TRIM55: variants seen among roughly 807,000 people sequenced by gnomAD.
TRIM55 encodes the protein tripartite motif containing 55.
In TRIM55, 50 loss-of-function variants were observed where a neutral mutation model predicts 60.9. That is an observed-to-expected ratio of 0.82 (90% CI 0.65 to 1.04). The LOEUF (loss-of-function observed/expected upper bound fraction) is 1.04, where lower values mean the gene tolerates loss of function less well. TRIM55 is among the 50% of genes least tolerant of loss of function. The pLI, the probability that TRIM55 is intolerant of heterozygous loss-of-function variation, is 0.00. For missense variants in TRIM55, 681 were observed against 666.9 expected, an observed-to-expected ratio of 1.02 and a Z score of -0.23; for synonymous variants, 237 against 238.1, an observed-to-expected ratio of 1.00 and a Z score of 0.04.
In TRIM55 at chr8:66,150,305, AAC is replaced by A. The variant is rs749777269; in HGVS notation, c.861-35_861-34del. On this transcript the variant is annotated intron_variant, in intron 6 of 9. Coordinates refer to ENST00000315962, the MANE Select transcript of TRIM55 (RefSeq NM_184085.2). ...CTTTACCCAAGGCTATCCAATTTTC[AAC>A]AGTGACAGAAAGTGGCAACTTGTCT... 5.0e-6 allele frequency: 8 copies of A among 1,613,948 alleles called. No individual in the cohort carries two copies. In the South Asian group the frequency reaches 7.7e-5, roughly 16 times the overall value.
At chr8:66,154,950 T>C (rs1320894516) in intron 9 of TRIM55, among the ~76,000 whole-genome samples, 3 of 152,192 alleles carry the variant, frequency 2.0e-5, no homozygotes, top group African/African-American at 7.2e-5. Flanking sequence ...AGAGACTCTT[T>C]CTTTATATGA....
At chr8:66,147,813 A>AC (rs1308616501) in intron 4 of TRIM55, among the ~76,000 whole-genome samples, 2,509 of 144,508 alleles carry the variant, frequency 0.017, 116 homozygotes, top group African/African-American at 0.064. Context: ...AAAAAAAAAA[A>AC]AAAACCACAA....
At chr8:66,164,649 A>C (rs1229114993) in intron 9 of TRIM55, among the ~76,000 whole-genome samples, 1 of 152,156 alleles carries the variant, frequency 6.6e-6, no homozygotes, top group East Asian at 1.9e-4. Flanking sequence ...TCTCAGAGAC[A>C]GCCTCAGGAA....
the TRIM55 span, among the ~76,000 whole-genome samples, chr8:66,116,995 G>T: frequency 6.6e-6 from 1 of 152,140 alleles, no homozygotes; most frequent in Non-Finnish European, 1.5e-5. Context: ...TACAAGACTG[G>T]CTCAACATTC....
At chr8:66,140,127 G>A (rs1809723073) in intron 4 of TRIM55, among the ~76,000 whole-genome samples, 1 of 152,180 alleles carries the variant, frequency 6.6e-6, no homozygotes, top group South Asian at 2.1e-4. Flanking sequence ...TGCCATGTAG[G>A]TTTGTGTAAG....
rs995699866 is a variant in TRIM55, at chr8:66,134,851, C to A, written c.342-139C>A. On this transcript the variant is annotated intron_variant, in intron 2 of 9. Coordinates refer to ENST00000315962, the MANE Select transcript of TRIM55 (RefSeq NM_184085.2). ...GTGGGCTCTGAGCATGTGAAAGGGC[C>A]CCTGGGGGTCTTCTGGAATAGAATT... 3.5e-6 allele frequency: 3 copies of A among 868,006 alleles called. No homozygotes were observed. The Admixed American group carries it at 8.5e-5, about 25-fold the overall frequency. The allele number at this position is 868,006 out of a possible 1,614,324, so 53.8% of individuals were successfully genotyped here.
chr8:66,148,724 T>G (rs1056018905), intron 4 of TRIM55, among the ~76,000 whole-genome samples: 5 of 152,174 alleles, frequency 3.3e-5, no homozygotes, highest in Non-Finnish European at 5.9e-5. Context: ...TAAGTGTTAT[T>G]CTTTGTGTAA....
intron 2 of TRIM55, among the ~76,000 whole-genome samples, chr8:66,131,054 T>C (rs912142951): frequency 2.0e-5 from 3 of 152,048 alleles, no homozygotes; most frequent in African/African-American, 7.2e-5. Context: ...TTTTGGCTAA[T>C]ATTAATAATT....
chr8:66,167,369 T>C (rs1435788848), intron 9 of TRIM55, among the ~76,000 whole-genome samples: 1 of 152,216 alleles, frequency 6.6e-6, no homozygotes, highest in Non-Finnish European at 1.5e-5. Context: ...CCAGTTCTTT[T>C]TTCAGGAAGA....
intron 9 of TRIM55, among the ~76,000 whole-genome samples, chr8:66,172,684 CA>C (rs907455840): frequency 3.3e-5 from 5 of 152,310 alleles, no homozygotes; most frequent in African/African-American, 9.6e-5. Context: ...AGCAGTTTCC[CA>C]AAGGTTCTGC....
intron 4 of TRIM55, among the ~76,000 whole-genome samples, chr8:66,141,188 T>C (rs1283532243): frequency 6.6e-6 from 1 of 152,212 alleles, no homozygotes; most frequent in Non-Finnish European, 1.5e-5. Flanking sequence ...ATGTCTGCAT[T>C]AACATGAATT....
intron 2 of TRIM55, among the ~76,000 whole-genome samples, chr8:66,132,832 A>T (rs1809243446): frequency 6.6e-6 from 1 of 152,256 alleles, no homozygotes. Flanking sequence ...AATGAGGAAT[A>T]TGGGAAATTG....
the TRIM55 span, among the ~76,000 whole-genome samples, chr8:66,114,283 G>T: frequency 2.0e-5 from 3 of 152,078 alleles, no homozygotes; most frequent in Non-Finnish European, 4.4e-5. Context: ...TGTCCCGTAC[G>T]GTTTTTCTTT....
At chr8:66,132,521 T>G (rs1165507556) in intron 2 of TRIM55, among the ~76,000 whole-genome samples, 3 of 152,062 alleles carry the variant, frequency 2.0e-5, no homozygotes, top group Non-Finnish European at 4.4e-5. Context: ...TGCCCACTCC[T>G]CAGGAAACTC....
Position 66,154,267 on chromosome 8 carries a change from C to T in TRIM55, c.1457C>T (p.Ala486Val). 1.9e-6 allele frequency: 3 copies of T among 1,613,752 alleles called. No individual in the cohort carries two copies. Among genetic ancestry groups the T allele is most frequent in the Non-Finnish European group, 2.5e-6 (3 of 1,179,968 alleles). ...DSNVRKAEVA[A>V]AAASERAAVS... The stretch of plus-strand genomic sequence containing the variant: ...AATGTACGGAAGGCAGAAGTGGCAG[C>T]AGCCGCAGCGAGTGAGAGGGCAGCT... Residue 486 changes from alanine to valine, a missense_variant, in exon 9 of 10, where the codon GCA (alanine) becomes GTA (valine). Transcript: ENST00000315962.
chr8:66,164,848 A>G (rs1387573060), intron 9 of TRIM55, among the ~76,000 whole-genome samples: 1 of 152,136 alleles, frequency 6.6e-6, no homozygotes, highest in Non-Finnish European at 1.5e-5. Flanking sequence ...AGGTGATCCC[A>G]GAGGAAAATA....
At chr8:66,140,439 A>G (rs1423480687) in intron 4 of TRIM55, among the ~76,000 whole-genome samples, 2 of 152,250 alleles carry the variant, frequency 1.3e-5, no homozygotes, top group African/African-American at 4.8e-5. Flanking sequence ...CTTTCAGATC[A>G]GTTTAGGTGG....
intron 9 of TRIM55, among the ~76,000 whole-genome samples, chr8:66,157,132 G>A (rs144878267): frequency 1.3e-4 from 20 of 152,284 alleles, no homozygotes; most frequent in African/African-American, 4.8e-4. Flanking sequence ...GCTGCAGAGG[G>A]AGTGTCATGC....
chr8:66,166,343 G>C (rs1455707386), intron 9 of TRIM55, among the ~76,000 whole-genome samples: 3 of 152,140 alleles, frequency 2.0e-5, no homozygotes, highest in Non-Finnish European at 4.4e-5. Context: ...AGCTCTCTTG[G>C]GGAGCTGTTA....
Sources: allele counts gnomAD v4.1 joint callset (sites outside exome capture counted in the v4.1 genomes callset), GRCh38; gene constraint gnomAD v4.1.1; transcripts MANE v1.5; gene names NCBI Gene and HGNC (gene_info 2026-07-23, HGNC 2026-07-21).